GATB: variants seen among roughly 807,000 people sequenced by gnomAD.
The protein encoded by GATB is glutamyl-tRNA(Gln) amidotransferase subunit B, mitochondrial.
GATB carries 39 observed loss-of-function variants against 62.3 expected under a neutral mutation model. The ratio of observed to expected loss-of-function variants is 0.63; its 90% CI spans 0.48 to 0.82. The LOEUF (loss-of-function observed/expected upper bound fraction) is 0.82. Among genes scored for constraint, GATB ranks in the 40% least tolerant of loss-of-function variants. GATB has a pLI of 0.00. For missense variants in GATB, 670 were observed against 684.0 expected, an observed-to-expected ratio of 0.98 and a Z score of 0.23; for synonymous variants, 276 against 258.9, an observed-to-expected ratio of 1.07 and a Z score of -0.63.
At chr4:151,734,866 A>G (rs1332112168) in intron 2 of GATB, among the ~76,000 whole-genome samples, 1 of 152,224 alleles carries the variant, frequency 6.6e-6, no homozygotes. Flanking sequence ...TGCTGTGATA[A>G]TTGGTTAGCC....
chr4:151,717,339 T>C, intron 3 of GATB: 1 of 464,104 alleles, frequency 2.2e-6, no homozygotes, highest in East Asian at 4.1e-5. Flanking sequence ...ATTCATCCCA[T>C]TGCCCTCATT....
chr4:151,671,326 T>TTAC, intron 12 of GATB, 24 bp from the exon 13 acceptor site: 5 of 1,611,122 alleles, frequency 3.1e-6, no homozygotes, highest in Non-Finnish European at 4.2e-6. Context: ...AATTACTTAC[T>TTAC]TAAGAGGAGA....
rs181501738 is a variant in GATB, at chr4:151,705,766, A to G, written c.878-497T>C. Among the ~76,000 whole-genome samples the G allele has an allele frequency of 6.8e-3, 1,037 of 152,356 alleles. 5 individuals are homozygous for G. Among genetic ancestry groups the G allele is most frequent in the South Asian group, 0.029 (139 of 4,824 alleles). ...CCAAATGATTAAGATCCAAGGACCC[A>G]TGCCTCAGCATCAAATGAGGGAGGC... On this transcript the variant is annotated intron_variant, in intron 6 of 12. Transcript: ENST00000263985.
chr4:151,717,768 G>A (rs1421842175), intron 3 of GATB, among the ~76,000 whole-genome samples: 5 of 152,164 alleles, frequency 3.3e-5, no homozygotes, highest in South Asian at 2.1e-4. Context: ...GCACCAATAC[G>A]CACTAAAGAG....
Position 151,705,194 on chromosome 4 carries a change from T to C in GATB, c.953A>G (p.His318Arg), listed in dbSNP as rs1738691103. 1 of 1,611,730 alleles carries C rather than the reference T, an allele frequency of 6.2e-7. No homozygotes were observed. Among genetic ancestry groups the C allele is most frequent in the Non-Finnish European group, 8.5e-7 (1 of 1,177,864 alleles). ...EILNETRSFH[H>R]KLGCTMSMRD... The stretch of plus-strand genomic sequence containing the variant: ...AGCAATGCGAACTCACCCCAGCTTG[T>C]GATGAAATGAGCGTGTTTCGTTCAG... The change falls in exon 7 of 13, where the codon CAC becomes CGC. Residue 318 changes from histidine to arginine, a missense_variant. By Grantham distance (29) the His-to-Arg change is conservative. Coordinates refer to ENST00000263985, the MANE Select transcript of GATB (RefSeq NM_004564.3).
At chr4:151,711,004 C>T (rs141706032) in intron 5 of GATB, among the ~76,000 whole-genome samples, 4 of 152,326 alleles carry the variant, frequency 2.6e-5, no homozygotes, top group African/African-American at 9.6e-5. Context: ...ATCTCATCTT[C>T]CAATTTCGGT....
chr4:151,677,094 A>G (rs1738023461), intron 11 of GATB, among the ~76,000 whole-genome samples: 1 of 152,192 alleles, frequency 6.6e-6, no homozygotes, highest in African/African-American at 2.4e-5. Context: ...CATCTATCTA[A>G]TCACTTATTG....
Position 151,701,462 on chromosome 4 carries a change from G to A in GATB, c.1064C>T (p.Pro355Leu). The A allele has an allele frequency of 6.3e-7, 1 of 1,597,274 alleles. No homozygotes were observed. The highest frequency in any genetic ancestry group is 1.3e-5 in the African/African-American group (1 of 74,426). ...PLVLYDATSL[P>L]AGADPQQVIN... ...CACTTGCTGTGGGTCTGCACCTGCG[G>A]GCAGAGATGTGGCGTCGTAGAGCAC... Residue 355 changes from proline (P) to leucine (L), a missense_variant, in exon 9 of 13, where the codon CCC (proline) becomes CTC (leucine). Transcript: ENST00000263985.
chr4:151,733,092 C>T (rs1739301750), intron 2 of GATB, among the ~76,000 whole-genome samples: 1 of 151,918 alleles, frequency 6.6e-6, no homozygotes, highest in South Asian at 2.1e-4. Context: ...AAACCCAAAC[C>T]CAGCAGAAGA....
chr4:151,750,964 T>C (rs1190286743), intron 2 of GATB, among the ~76,000 whole-genome samples: 1 of 151,926 alleles, frequency 6.6e-6, no homozygotes, highest in African/African-American at 2.4e-5. Flanking sequence ...AAAAATAAAA[T>C]ATACCCACTC....
At chr4:151,674,520 A>C (rs995151118) in intron 11 of GATB, 1 of 152,366 alleles carries the variant, frequency 6.6e-6, no homozygotes, top group African/African-American at 2.4e-5. Flanking sequence ...AAAAGAGATC[A>C]CCGGAATTCC....
At chr4:151,683,692 A>G (rs1738190379) in intron 10 of GATB, among the ~76,000 whole-genome samples, 1 of 152,210 alleles carries the variant, frequency 6.6e-6, no homozygotes. Flanking sequence ...CCTCTGTCAC[A>G]TATGCTTCTT....
At chr4:151,671,751 T>G (rs895891371) in intron 12 of GATB, among the ~76,000 whole-genome samples, 49 of 134,864 alleles carry the variant, frequency 3.6e-4, no homozygotes, top group African/African-American at 1.4e-3. Context: ...GAAGATTCCT[T>G]TATCAGAAAG....
intron 5 of GATB, among the ~76,000 whole-genome samples, chr4:151,710,244 G>T (rs1185866890): frequency 6.6e-6 from 1 of 152,150 alleles, no homozygotes; most frequent in African/African-American, 2.4e-5. Context: ...GCCTTCTCAA[G>T]GGCATCACTC....
At chr4:151,676,187 T>G (rs766579783) in intron 11 of GATB, 2 of 152,178 alleles carry the variant, frequency 1.3e-5, no homozygotes, top group Non-Finnish European at 2.9e-5. Flanking sequence ...ACTGAAGCAC[T>G]AAAGAGAGAA....
intron 7 of GATB, among the ~76,000 whole-genome samples, chr4:151,704,539 C>T (rs929491962): frequency 3.3e-5 from 5 of 151,828 alleles, no homozygotes; most frequent in African/African-American, 7.3e-5. Context: ...CTGCAAGCTC[C>T]GCCTCCTGGG....
chr4:151,756,002 C>T (rs935200746), intron 2 of GATB, among the ~76,000 whole-genome samples: 1 of 152,126 alleles, frequency 6.6e-6, no homozygotes, highest in South Asian at 2.1e-4. Flanking sequence ...CTCAGGGGAA[C>T]ACAGGTAACA....
chr4:151,682,476 C>T (rs1006226543), intron 10 of GATB, among the ~76,000 whole-genome samples: 6 of 152,192 alleles, frequency 3.9e-5, no homozygotes, highest in Non-Finnish European at 8.8e-5. Context: ...ATAGTGAATG[C>T]GTCTCCGCTG....
rs796613363 is a variant in GATB, at chr4:151,738,251, G to A, written c.328-18713C>T. 7.2e-4 allele frequency among the ~76,000 whole-genome samples: 110 copies of A among 152,342 alleles called. 2 individuals are homozygous for A. Among genetic ancestry groups the A allele is most frequent in the Admixed American group, 6.2e-3 (95 of 15,300 alleles). ...TTGCATCAGCCAGCGTGACCTGGATGTGAGACGTGGAGTCAAAGGAGATCA... is the reference window on the plus strand; with the variant it reads ...TTGCATCAGCCAGCGTGACCTGGATATGAGACGTGGAGTCAAAGGAGATCA... On this transcript the variant is annotated intron_variant, in intron 2 of 12. Transcript: ENST00000263985.
Sources: gnomAD v4.1 joint callset for allele counts (sites outside exome capture counted in the v4.1 genomes callset) on GRCh38, gnomAD v4.1.1 for gene constraint, MANE v1.5 for transcripts, NCBI Gene and HGNC (gene_info 2026-07-23, HGNC 2026-07-21) for gene names.